Variants in NBEA observed in about 807,000 individuals in gnomAD.
The protein encoded by NBEA is neurobeachin, also known as lysosomal-trafficking regulator 2.
In NBEA, 44 loss-of-function variants were observed where a neutral mutation model predicts 343.4. The ratio of observed to expected loss-of-function variants is 0.13; its 90% CI spans 0.10 to 0.16. The LOEUF (loss-of-function observed/expected upper bound fraction) is 0.16, where lower values mean the gene tolerates loss of function less well. NBEA is among the 10% of genes least tolerant of loss of function. The pLI, the probability that NBEA is intolerant of heterozygous loss-of-function variation, is 1.00. For synonymous variants in NBEA, 1,175 were observed against 1,238.7 expected, an observed-to-expected ratio of 0.95 and a Z score of 1.08; for missense variants, 2,555 against 3,631.3, an observed-to-expected ratio of 0.70 and a Z score of 7.62.
rs71081262 is a variant in NBEA at position 35,539,915 on chromosome 13, C to CAAAAAAAAAAAAA, written c.6586-10547_6586-10535dup. On this transcript the variant is annotated intron_variant, in intron 41 of 58. Coordinates refer to ENST00000379939, the MANE Select transcript of NBEA (RefSeq NM_001385012.1). ...TGGGCGACAGAGCAAGACTCCGTCT[C>CAAAAAAAAAAAAA]AAAAAAAAAAAAAAAAAAAAAAAAA... is the stretch of plus-strand genomic sequence containing the variant. Among the ~76,000 whole-genome samples the CAAAAAAAAAAAAA allele has an allele frequency of 3.8e-3, 151 of 39,598 alleles. 20 individuals are homozygous for CAAAAAAAAAAAAA. The highest frequency in any genetic ancestry group is 5.9e-3 in the South Asian group (6 of 1,020). The allele number at this position is 39,598 out of a possible 152,430, so 26.0% of individuals were successfully genotyped here. A position where few individuals can be genotyped will look rare whatever the true frequency, so the allele number is the denominator to read the frequency against.
At chr13:35,259,637 T>C (rs2033026644) in intron 34 of NBEA, among the ~76,000 whole-genome samples, 1 of 152,078 alleles carries the variant, frequency 6.6e-6, no homozygotes, top group Admixed American at 6.5e-5. Flanking sequence ...ACCCTAAAAA[T>C]AAAACATTTT....
intron 41 of NBEA, among the ~76,000 whole-genome samples, chr13:35,500,714 CT>C (rs35555952): frequency 0.47 from 45,388 of 97,458 alleles, 6,703 homozygotes; most frequent in East Asian, 0.69. Context: ...CCTGGCTCTT[CT>C]TTTTTTTTTT....
chr13:35,006,035 T>C (rs1025357180), intron 1 of NBEA, among the ~76,000 whole-genome samples: 1 of 152,178 alleles, frequency 6.6e-6, no homozygotes, highest in African/African-American at 2.4e-5. Context: ...AAAAAAAGTA[T>C]ATGTATTTAA....
chr13:35,365,452 AG>A (rs755279825), intron 38 of NBEA, among the ~76,000 whole-genome samples: 3 of 151,708 alleles, frequency 2.0e-5, no homozygotes, highest in Non-Finnish European at 4.4e-5. Flanking sequence ...AGTTAAAGTG[AG>A]GCTATCACAG....
intron 37 of NBEA, among the ~76,000 whole-genome samples, chr13:35,349,828 C>CAAAT (rs2040086036): frequency 6.6e-6 from 1 of 152,076 alleles, no homozygotes; most frequent in Admixed American, 6.6e-5. Context: ...AGGTTTTTAT[C>CAAAT]TCAGTAAAGC....
intron 38 of NBEA, among the ~76,000 whole-genome samples, chr13:35,389,751 A>G (rs987067274): frequency 6.6e-6 from 1 of 152,152 alleles, no homozygotes; most frequent in Admixed American, 6.6e-5. Flanking sequence ...TAATGGAACC[A>G]TTTAAAAGGA....
At chr13:34,963,198 G>T (rs551368799) in intron 1 of NBEA, among the ~76,000 whole-genome samples, 26 of 152,088 alleles carry the variant, frequency 1.7e-4, no homozygotes, top group Non-Finnish European at 3.2e-4. Flanking sequence ...TTAAAAAATT[G>T]TAATTTATTT....
At chr13:35,314,201 G>A (rs2037561607) in intron 36 of NBEA, among the ~76,000 whole-genome samples, 1 of 152,022 alleles carries the variant, frequency 6.6e-6, no homozygotes, top group African/African-American at 2.4e-5. Context: ...GGAATTGGGA[G>A]AGGGTATATA....
chr13:35,349,898 G>A (rs1455624618), intron 37 of NBEA, among the ~76,000 whole-genome samples: 2 of 152,016 alleles, frequency 1.3e-5, no homozygotes, highest in African/African-American at 4.8e-5. Flanking sequence ...CTAGCTGGCT[G>A]AAAAGCATGA....
chr13:35,298,413 G>A (rs2036303668), intron 35 of NBEA, among the ~76,000 whole-genome samples: 1 of 151,330 alleles, frequency 6.6e-6, no homozygotes, highest in South Asian at 2.1e-4. Flanking sequence ...CAGCACTAAT[G>A]TTCTTATACT....
chr13:35,028,168 C>T (rs1203124584), intron 1 of NBEA, among the ~76,000 whole-genome samples: 1 of 151,796 alleles, frequency 6.6e-6, no homozygotes, highest in African/African-American at 2.4e-5. Context: ...CTTTGCCTTT[C>T]ATATAAAGTT....
At chr13:35,135,699 T>C (rs2067681456) in intron 17 of NBEA, among the ~76,000 whole-genome samples, 1 of 152,028 alleles carries the variant, frequency 6.6e-6, no homozygotes, top group African/African-American at 2.4e-5. Context: ...TAGTGGACTT[T>C]ATATCAAGGA....
chr13:35,440,623 G>A (rs2045688028), intron 39 of NBEA, among the ~76,000 whole-genome samples: 1 of 152,116 alleles, frequency 6.6e-6, no homozygotes, highest in Non-Finnish European at 1.5e-5. Context: ...ACTAAATGAT[G>A]GAACACAGGA....
intron 33 of NBEA, among the ~76,000 whole-genome samples, chr13:35,227,171 C>T (rs7326668): frequency 0.26 from 38,730 of 151,292 alleles, 6,179 homozygotes; most frequent in African/African-American, 0.46. Context: ...TTTTCCGTAG[C>T]GGCCACAACC....
chr13:35,480,691 A>G (rs1239412429), intron 41 of NBEA, among the ~76,000 whole-genome samples: 2 of 151,764 alleles, frequency 1.3e-5, no homozygotes, highest in African/African-American at 4.8e-5. Context: ...TTTTAAATGC[A>G]CCCAGGCTAT....
At chr13:35,155,979 T>G in intron 19 of NBEA, 104 bp from the exon 20 acceptor site, 1 of 1,474,212 alleles carries the variant, frequency 6.8e-7, no homozygotes, top group Non-Finnish European at 9.3e-7. Flanking sequence ...CAGTTTTAAC[T>G]CACCTTTTAT....
intron 29 of NBEA, among the ~76,000 whole-genome samples, chr13:35,183,348 T>C (rs1337870669): frequency 6.6e-6 from 1 of 152,080 alleles, no homozygotes; most frequent in Non-Finnish European, 1.5e-5. Context: ...GTTGAAATTT[T>C]CTTTCCTAAA....
intron 33 of NBEA, among the ~76,000 whole-genome samples, chr13:35,224,369 C>G (rs927631058): frequency 2.5e-4 from 38 of 152,086 alleles, no homozygotes; most frequent in Non-Finnish European, 3.5e-4. Flanking sequence ...TTCTGTGACT[C>G]CAATCACATT....
chr13:35,624,486 GT>G (rs1450537648), intron 48 of NBEA, among the ~76,000 whole-genome samples: 11 of 152,132 alleles, frequency 7.2e-5, no homozygotes, highest in African/African-American at 2.6e-4. Context: ...TAGTGTCAGT[GT>G]TCACAAATTA....
Sources: allele counts gnomAD v4.1 joint callset (sites outside exome capture counted in the v4.1 genomes callset), GRCh38; gene constraint gnomAD v4.1.1; transcripts MANE v1.5; gene names NCBI Gene and HGNC (gene_info 2026-07-23, HGNC 2026-07-21).